Variants in LSAMP observed in about 807,000 individuals in gnomAD.
The protein encoded by LSAMP is limbic system associated membrane protein.
Under a neutral mutation model 38.6 loss-of-function variants are expected in LSAMP, and 7 were observed. The observed-to-expected ratio is 0.18, with a 90% confidence interval of 0.10 to 0.34. LSAMP has a LOEUF of 0.34. Among genes scored for constraint, LSAMP ranks in the 10% least tolerant of loss-of-function variants. LSAMP has a pLI of 1.00. For missense variants in LSAMP, 313 were observed against 420.0 expected (o/e 0.75, Z 2.23); for synonymous variants, 154 against 166.8 (o/e 0.92, Z 0.59).
intron 3 of LSAMP, among the ~76,000 whole-genome samples, chr3:115,949,364 C>T (rs191228919): frequency 4.6e-5 from 7 of 151,888 alleles, no homozygotes; most frequent in African/African-American, 1.7e-4. Context: ...AATGGTCTAT[C>T]AATTTTGTTT....
intron 2 of LSAMP, among the ~76,000 whole-genome samples, chr3:116,043,265 C>T (rs926305476): frequency 3.3e-5 from 5 of 152,038 alleles, no homozygotes; most frequent in Admixed American, 2.0e-4. Context: ...AAAAACTTTC[C>T]GATTTAGGTG....
intron 3 of LSAMP, 149 bp downstream of exon 3, chr3:116,019,366 A>T: frequency 2.1e-6 from 2 of 945,718 alleles, no homozygotes; most frequent in Non-Finnish European, 3.0e-6. Context: ...TTAGTATTTT[A>T]ATAACAAGAT....
intron 3 of LSAMP, among the ~76,000 whole-genome samples, chr3:115,896,780 C>T (rs1262576431): frequency 6.6e-6 from 1 of 152,082 alleles, no homozygotes; most frequent in African/African-American, 2.4e-5. Flanking sequence ...ATGTGGTCCG[C>T]ACATTGTTAT....
intron 1 of LSAMP, among the ~76,000 whole-genome samples, chr3:116,122,836 C>A (rs1311670636): frequency 6.6e-6 from 1 of 152,156 alleles, no homozygotes; most frequent in Non-Finnish European, 1.5e-5. Flanking sequence ...TCACAGGTAA[C>A]TGGAAACCTT....
chr3:116,197,968 GC>G (rs2045927872), intron 1 of LSAMP, among the ~76,000 whole-genome samples: 1 of 152,094 alleles, frequency 6.6e-6, no homozygotes, highest in Non-Finnish European at 1.5e-5. Context: ...TCAAAGAAAG[GC>G]AGGTAGGTTA....
intron 1 of LSAMP, among the ~76,000 whole-genome samples, chr3:116,130,077 A>C (rs1051388780): frequency 3.3e-5 from 5 of 152,240 alleles, no homozygotes; most frequent in African/African-American, 1.2e-4. Context: ...AGTTTCAAGG[A>C]CAGTATTTTA....
intron 1 of LSAMP, among the ~76,000 whole-genome samples, chr3:116,147,171 G>A (rs6764630): frequency 0.54 from 81,862 of 151,684 alleles, 22,967 homozygotes; most frequent in East Asian, 0.76. Context: ...CTTGACATAC[G>A]TTCTATTTGT....
At chr3:116,009,426 T>C (rs1370240838) in intron 3 of LSAMP, among the ~76,000 whole-genome samples, 1 of 152,188 alleles carries the variant, frequency 6.6e-6, no homozygotes, top group African/African-American at 2.4e-5. Context: ...AATCCCCCTG[T>C]AATTATAGTG....
chr3:116,444,392 A>AAC (rs202044043), intron 1 of LSAMP, among the ~76,000 whole-genome samples: 108,281 of 144,290 alleles, frequency 0.75, 40,600 homozygotes, highest in East Asian at 0.81. Flanking sequence ...TGGCATGAAA[A>AAC]ACACACACAC....
intron 3 of LSAMP, among the ~76,000 whole-genome samples, chr3:115,893,163 G>T (rs1936643957): frequency 6.6e-6 from 1 of 151,950 alleles, no homozygotes; most frequent in African/African-American, 2.4e-5. Context: ...GGGAGACTAG[G>T]TGAGGGATAA....
chr3:115,960,914 T>C (rs552386021), intron 3 of LSAMP, among the ~76,000 whole-genome samples: 1 of 152,324 alleles, frequency 6.6e-6, no homozygotes, highest in South Asian at 2.1e-4. Flanking sequence ...CCCCATTAGC[T>C]GTCAGTTCAC....
chr3:115,984,017 G>A (rs751334656), intron 3 of LSAMP, among the ~76,000 whole-genome samples: 1 of 152,108 alleles, frequency 6.6e-6, no homozygotes, highest in Non-Finnish European at 1.5e-5. Flanking sequence ...TAGAGAGGAG[G>A]TAGGGTGACC....
At chr3:115,990,382 G>A (rs1267536987) in intron 3 of LSAMP, among the ~76,000 whole-genome samples, 1 of 152,026 alleles carries the variant, frequency 6.6e-6, no homozygotes, top group African/African-American at 2.4e-5. Flanking sequence ...AACTTGACAG[G>A]CAGCTTCTGA....
intron 1 of LSAMP, among the ~76,000 whole-genome samples, chr3:116,178,123 A>G (rs1710396670): frequency 1.3e-5 from 2 of 151,182 alleles, no homozygotes; most frequent in Non-Finnish European, 2.9e-5. Flanking sequence ...GTGTGTGTAC[A>G]TGTGTGCTTG....
At chr3:116,268,625 G>A (rs2046926086) in intron 1 of LSAMP, among the ~76,000 whole-genome samples, 1 of 151,882 alleles carries the variant, frequency 6.6e-6, no homozygotes, top group African/African-American at 2.4e-5. Context: ...TCCCCCTTTG[G>A]TTAGACCTCA....
intron 2 of LSAMP, among the ~76,000 whole-genome samples, chr3:116,084,080 C>T (rs573953510): frequency 6.6e-6 from 1 of 152,068 alleles, no homozygotes; most frequent in African/African-American, 2.4e-5. Context: ...CTGTCCTAAG[C>T]CTACAGAAAG....
chr3:116,113,400 C>CTATATA (rs5851991), intron 1 of LSAMP, among the ~76,000 whole-genome samples: 32 of 87,134 alleles, frequency 3.7e-4, no homozygotes, highest in South Asian at 9.7e-4. Context: ...TATGTTTGCC[C>CTATATA]TATATATATA....
intron 2 of LSAMP, among the ~76,000 whole-genome samples, chr3:116,059,867 C>A (rs749011814): frequency 3.3e-5 from 5 of 152,202 alleles, no homozygotes; most frequent in Non-Finnish European, 5.9e-5. Context: ...AAGGAACACT[C>A]AGGGATCCAG....
chr3:116,416,541 T>C (rs2049053341), intron 1 of LSAMP, among the ~76,000 whole-genome samples: 2 of 152,190 alleles, frequency 1.3e-5, no homozygotes, highest in African/African-American at 2.4e-5. Context: ...AAGGCTGGAA[T>C]ACAGGTGACA....
Sources: allele counts gnomAD v4.1 joint callset (sites outside exome capture counted in the v4.1 genomes callset), GRCh38; gene constraint gnomAD v4.1.1; transcripts MANE v1.5; gene names NCBI Gene and HGNC (gene_info 2026-07-23, HGNC 2026-07-21).